PDE7B: variants seen among roughly 807,000 people sequenced by gnomAD.
PDE7B encodes the protein phosphodiesterase 7B, also known as 3',5'-cyclic-AMP phosphodiesterase 7B.
In PDE7B, 29 loss-of-function variants were observed where a neutral mutation model predicts 56.2. The observed-to-expected ratio is 0.52, with a 90% confidence interval of 0.38 to 0.70. The LOEUF (loss-of-function observed/expected upper bound fraction) is 0.70. Among genes scored for constraint, PDE7B ranks in the 30% least tolerant of loss-of-function variants. The probability of loss-of-function intolerance (pLI) is 0.00; values close to 1 mark genes in which losing one functional copy is unlikely to be tolerated. For synonymous variants in PDE7B, 197 were observed against 196.9 expected (o/e 1.00, Z 0.00); for missense variants, 490 against 565.0 (o/e 0.87, Z 1.35).
chr6:135,934,847 T>A (rs28549014), intron 1 of PDE7B, among the ~76,000 whole-genome samples: 69 of 100,866 alleles, frequency 6.8e-4, no homozygotes, highest in Admixed American at 1.2e-3. Context: ...ATATATTTAT[T>A]TAAATAAATA....
At chr6:136,107,408 A>C (rs1317998195) in intron 2 of PDE7B, among the ~76,000 whole-genome samples, 1 of 152,208 alleles carries the variant, frequency 6.6e-6, no homozygotes, top group Non-Finnish European at 1.5e-5. Flanking sequence ...TATATATAAT[A>C]ACTGGTGAAT....
At chr6:136,066,369 A>G (rs1480668469) in intron 2 of PDE7B, among the ~76,000 whole-genome samples, 1 of 152,134 alleles carries the variant, frequency 6.6e-6, no homozygotes, top group African/African-American at 2.4e-5. Flanking sequence ...AGGTGGGATG[A>G]CTCCGAACCA....
chr6:135,931,265 T>C (rs1583778826), intron 1 of PDE7B, among the ~76,000 whole-genome samples: 1 of 152,212 alleles, frequency 6.6e-6, no homozygotes, highest in East Asian at 1.9e-4. Context: ...TACTCCTTTA[T>C]TCCTCAATTT....
At chr6:136,024,603 A>C (rs1288380001) in intron 2 of PDE7B, among the ~76,000 whole-genome samples, 2 of 151,862 alleles carry the variant, frequency 1.3e-5, no homozygotes, top group African/African-American at 4.8e-5. Context: ...GATACTTTGG[A>C]GGTGATGTTA....
intron 3 of PDE7B, 42 bp downstream of exon 3, chr6:136,108,856 T>TTTTGAA: frequency 8.2e-7 from 1 of 1,223,426 alleles, no homozygotes; most frequent in Non-Finnish European, 1.2e-6. Flanking sequence ...AACGTTTTCT[T>TTTTGAA]CAAAAAGAAA....
At chr6:135,869,172 A>AT (rs949932970) in intron 1 of PDE7B, among the ~76,000 whole-genome samples, 1 of 152,092 alleles carries the variant, frequency 6.6e-6, no homozygotes, top group African/African-American at 2.4e-5. Flanking sequence ...GTTTCCTTAG[A>AT]TTTTAGGATT....
chr6:135,926,077 C>CTT (rs1468414349), intron 1 of PDE7B, among the ~76,000 whole-genome samples: 22 of 40,618 alleles, frequency 5.4e-4, no homozygotes, highest in African/African-American at 3.0e-3. Context: ...TCTGTTTTTT[C>CTT]TTTTTTTTGG....
chr6:136,159,221 C>T (rs979743415), intron 8 of PDE7B, among the ~76,000 whole-genome samples: 34 of 152,156 alleles, frequency 2.2e-4, no homozygotes, highest in African/African-American at 8.0e-4. Context: ...GAGGAATATT[C>T]CTTCCACGTG....
At chr6:135,975,969 C>T (rs1775179388) in intron 2 of PDE7B, among the ~76,000 whole-genome samples, 1 of 152,054 alleles carries the variant, frequency 6.6e-6, no homozygotes, top group Non-Finnish European at 1.5e-5. Flanking sequence ...GGATTTGGAA[C>T]CTTGGAAACT....
intron 2 of PDE7B, chr6:136,047,394 A>G (rs1776530101): frequency 6.6e-6 from 1 of 152,230 alleles, no homozygotes; most frequent in African/African-American, 2.4e-5. Context: ...AATGTATTGT[A>G]TTCTGGTCAG....
At chr6:136,002,777 C>T (rs1415012553) in intron 2 of PDE7B, among the ~76,000 whole-genome samples, 3 of 152,056 alleles carry the variant, frequency 2.0e-5, no homozygotes, top group African/African-American at 7.3e-5. Flanking sequence ...CCACTGTCAA[C>T]ATTAGACAGA....
intron 1 of PDE7B, among the ~76,000 whole-genome samples, chr6:135,891,491 G>A (rs1403056499): frequency 1.3e-5 from 2 of 152,188 alleles, no homozygotes; most frequent in East Asian, 1.9e-4. Context: ...ACCTTCAGGA[G>A]CATTGGGAAA....
At chr6:136,139,065 C>A (rs942785346) in intron 3 of PDE7B, among the ~76,000 whole-genome samples, 4 of 152,014 alleles carry the variant, frequency 2.6e-5, no homozygotes, top group Admixed American at 1.3e-4. Context: ...GTGTGCTGCA[C>A]CCATTAACTC....
intron 8 of PDE7B, among the ~76,000 whole-genome samples, chr6:136,164,108 A>G (rs764409602): frequency 7.9e-5 from 12 of 152,222 alleles, no homozygotes; most frequent in Non-Finnish European, 1.5e-4. Flanking sequence ...GACATACCCC[A>G]GACTGGGTAA....
intron 1 of PDE7B, among the ~76,000 whole-genome samples, chr6:135,867,880 G>T (rs1775293941): frequency 6.6e-6 from 1 of 152,126 alleles, no homozygotes; most frequent in East Asian, 1.9e-4. Flanking sequence ...GTTTTTAATT[G>T]CTACTTTCTG....
intron 2 of PDE7B, among the ~76,000 whole-genome samples, chr6:135,990,591 C>T (rs758343308): frequency 1.3e-5 from 2 of 152,126 alleles, no homozygotes; most frequent in Non-Finnish European, 2.9e-5. Flanking sequence ...TGAAGTTAGA[C>T]GTATAGAAAT....
chr6:136,166,031 A>T (rs1348411695), intron 8 of PDE7B, among the ~76,000 whole-genome samples: 1 of 152,190 alleles, frequency 6.6e-6, no homozygotes, highest in Admixed American at 6.5e-5. Context: ...TTCTTCCTCT[A>T]ACCCACCAAT....
intron 2 of PDE7B, among the ~76,000 whole-genome samples, chr6:136,001,525 G>A (rs1464800100): frequency 2.0e-5 from 3 of 152,172 alleles, no homozygotes; most frequent in Admixed American, 6.5e-5. Flanking sequence ...GGAGCTGAAA[G>A]CCAAGGCTCG....
intron 2 of PDE7B, among the ~76,000 whole-genome samples, chr6:135,968,757 A>G (rs578105488): frequency 4.6e-5 from 7 of 152,334 alleles, no homozygotes; most frequent in African/African-American, 1.7e-4. Flanking sequence ...AACCAGAAAT[A>G]CCATATTTGA....
Sources: gnomAD v4.1 joint callset for allele counts (sites outside exome capture counted in the v4.1 genomes callset) on GRCh38, gnomAD v4.1.1 for gene constraint, MANE v1.5 for transcripts, NCBI Gene and HGNC (gene_info 2026-07-23, HGNC 2026-07-21) for gene names.